Variants in SBF2 observed in about 807,000 individuals in gnomAD.
SBF2 encodes SET binding factor 2, also known as myotubularin-related protein 13.
A neutral mutation model predicts 225.2 loss-of-function variants in SBF2; 112 were observed. The ratio of observed to expected loss-of-function variants is 0.50; its 90% CI spans 0.43 to 0.58. SBF2 has a LOEUF of 0.58. Ranked by LOEUF, SBF2 falls within the 20% of genes least tolerant of loss-of-function variation. The pLI is 0.00. For synonymous variants in SBF2, 763 were observed against 773.3 expected (o/e 0.99, Z 0.22); for missense variants, 1,996 against 2,206.2 (o/e 0.90, Z 1.91).
At chr11:9,941,276 C>G (rs1378759930) in intron 16 of SBF2, among the ~76,000 whole-genome samples, 1 of 152,080 alleles carries the variant, frequency 6.6e-6, no homozygotes, top group African/African-American at 2.4e-5. Flanking sequence ...GATTCCCACC[C>G]CTGCGTGCCA....
At chr11:10,202,842 G>A (rs1957616544) in intron 1 of SBF2, among the ~76,000 whole-genome samples, 1 of 152,080 alleles carries the variant, frequency 6.6e-6, no homozygotes, top group South Asian at 2.1e-4. Context: ...CTCATCCAAG[G>A]TGAAGTAACA....
At chr11:10,282,092 A>G (rs1451668421) in intron 1 of SBF2, among the ~76,000 whole-genome samples, 3 of 152,170 alleles carry the variant, frequency 2.0e-5, no homozygotes, top group Non-Finnish European at 4.4e-5. Context: ...AAGTTATCCT[A>G]ATTATTAAAT....
At chr11:10,144,560 A>C (rs530780418) in intron 2 of SBF2, among the ~76,000 whole-genome samples, 2 of 152,328 alleles carry the variant, frequency 1.3e-5, no homozygotes, top group South Asian at 4.1e-4. Context: ...GAAAAAAATA[A>C]ATATTTTCAC....
At chr11:10,005,461 G>C (rs935399444) in intron 6 of SBF2, among the ~76,000 whole-genome samples, 2 of 152,120 alleles carry the variant, frequency 1.3e-5, no homozygotes, top group Non-Finnish European at 2.9e-5. Flanking sequence ...CAGTGCACTT[G>C]ATCTCTCAAG....
rs369874173 is a variant in SBF2 at position 9,872,676 on chromosome 11, T to C, written c.1930-14280A>G. ...ACGTGTGGATCGGAGGAACTGGAAC[T>C]CTCATACACTGCTGAAAAGAATATA... On this transcript the variant is annotated intron_variant, in intron 17 of 39. Transcript: ENST00000256190. Among the ~76,000 whole-genome samples the C allele has an allele frequency of 3.6e-4, 55 of 150,940 alleles. No individual in the cohort carries two copies. The South Asian group carries it at 4.6e-3, about 13-fold the overall frequency.
intron 2 of SBF2, among the ~76,000 whole-genome samples, chr11:10,142,439 G>A (rs1954688879): frequency 6.6e-6 from 1 of 152,160 alleles, no homozygotes; most frequent in African/African-American, 2.4e-5. Flanking sequence ...CGGGTTGTAA[G>A]AATAACCTTG....
chr11:10,124,680 A>C (rs989837440), intron 2 of SBF2, among the ~76,000 whole-genome samples: 2 of 152,236 alleles, frequency 1.3e-5, no homozygotes, highest in Non-Finnish European at 2.9e-5. Flanking sequence ...ATTTGTAGAT[A>C]GAGCTATCAC....
chr11:9,926,113 G>C (rs938728267), intron 16 of SBF2, among the ~76,000 whole-genome samples: 4 of 152,176 alleles, frequency 2.6e-5, no homozygotes, highest in African/African-American at 9.7e-5. Context: ...CAGACTATCT[G>C]TAATCTGGCT....
chr11:9,929,026 T>C, intron 16 of SBF2: 1 of 465,052 alleles, frequency 2.2e-6, no homozygotes, highest in Non-Finnish European at 4.2e-6. Flanking sequence ...GAACATACAG[T>C]GCAGTGCTTG....
intron 2 of SBF2, among the ~76,000 whole-genome samples, chr11:10,178,961 T>C (rs576543664): frequency 7.3e-6 from 1 of 136,848 alleles, no homozygotes; most frequent in East Asian, 2.2e-4. Flanking sequence ...CCAACAATGA[T>C]AGACTGGATT....
At chr11:10,229,268 C>T (rs1958719757) in intron 1 of SBF2, among the ~76,000 whole-genome samples, 1 of 152,152 alleles carries the variant, frequency 6.6e-6, no homozygotes, top group Non-Finnish European at 1.5e-5. Flanking sequence ...AAAAAACCAG[C>T]TCCTGGATTC....
intron 6 of SBF2, among the ~76,000 whole-genome samples, chr11:10,015,545 A>G (rs990176556): frequency 6.6e-6 from 1 of 152,198 alleles, no homozygotes; most frequent in Admixed American, 6.5e-5. Context: ...TTGCCACCCT[A>G]TTAATGACTC....
At chr11:10,131,049 T>C (rs912151076) in intron 2 of SBF2, among the ~76,000 whole-genome samples, 2 of 152,154 alleles carry the variant, frequency 1.3e-5, no homozygotes, top group African/African-American at 4.8e-5. Context: ...CGCCCAAGAG[T>C]ACAACTGCTG....
intron 18 of SBF2, among the ~76,000 whole-genome samples, chr11:9,857,460 T>G (rs1857408837): frequency 6.6e-6 from 1 of 152,126 alleles, no homozygotes. Flanking sequence ...ATTTCTGGAG[T>G]AGAATGATAA....
chr11:9,855,668 C>G (rs971413036), intron 19 of SBF2, among the ~76,000 whole-genome samples: 2 of 152,036 alleles, frequency 1.3e-5, no homozygotes, highest in African/African-American at 2.4e-5. Context: ...ACATAACAAG[C>G]AAACATATGA....
chr11:9,820,008 C>G (rs1410713563), intron 28 of SBF2, among the ~76,000 whole-genome samples: 1 of 152,082 alleles, frequency 6.6e-6, no homozygotes, highest in African/African-American at 2.4e-5. Flanking sequence ...CTACTTGCAC[C>G]AAAATGACAG....
chr11:9,852,553 T>C, intron 21 of SBF2, 123 bp downstream of exon 21: 2 of 761,076 alleles, frequency 2.6e-6, no homozygotes, highest in Non-Finnish European at 2.4e-6. Flanking sequence ...GTTTAACATA[T>C]CATTAAAACT....
Position 9,842,655 on chromosome 11 carries a change from G to A in SBF2, c.3226C>T (p.Pro1076Ser), listed in dbSNP as rs1856244904. The A allele has an allele frequency of 6.2e-7, 1 of 1,613,824 alleles. No individual in the cohort carries two copies. The highest frequency in any genetic ancestry group is 1.3e-5 in the African/African-American group (1 of 74,892). ...GTIVEERVNR[P>S]GWNEDDDVSV... ...ACATCATCATCTTCATTCCATCCAG[G>A]ACGATTTACTCTTTCTTCCACAATT... The change falls in exon 25 of 40, where the codon CCT becomes TCT. Residue 1076 changes from proline (P) to serine (S), a missense_variant. Pro to Ser is a moderately conservative substitution (Grantham distance 74). Transcript: ENST00000256190.
At chr11:9,958,853 C>T in intron 16 of SBF2, 1 of 643,226 alleles carries the variant, frequency 1.6e-6, no homozygotes, top group Non-Finnish European at 2.9e-6. Context: ...TTCAAAGTAA[C>T]CCTTCTTCTC....
Sources: allele counts gnomAD v4.1 joint callset (sites outside exome capture counted in the v4.1 genomes callset), GRCh38; gene constraint gnomAD v4.1.1; transcripts MANE v1.5; gene names NCBI Gene and HGNC (gene_info 2026-07-23, HGNC 2026-07-21).